The following TET1 variants were observed in gnomAD, a reference collection of about 807,000 sequenced individuals.
TET1 encodes the protein tet methylcytosine dioxygenase 1, also known as methylcytosine dioxygenase TET1.
In TET1, 13 loss-of-function variants were observed where a neutral mutation model predicts 148.7. The observed-to-expected ratio is 0.09, with a 90% CI of 0.06 to 0.14. The LOEUF (loss-of-function observed/expected upper bound fraction) is 0.14. Ranked by LOEUF, TET1 falls within the 10% of genes least tolerant of loss-of-function variation. TET1 has a pLI of 1.00. For missense variants in TET1, 2,182 were observed against 2,553.8 expected, an observed-to-expected ratio of 0.85 and a Z score of 3.14; for synonymous variants, 907 against 937.2, an observed-to-expected ratio of 0.97 and a Z score of 0.59.
At chr10:68,608,609 A>T (rs1395062120) in intron 3 of TET1, among the ~76,000 whole-genome samples, 1 of 152,042 alleles carries the variant, frequency 6.6e-6, no homozygotes, top group Non-Finnish European at 1.5e-5. Flanking sequence ...ATCTTGGCTC[A>T]CTGCAACCTC....
chr10:68,686,311 C>G (rs1329759234), intron 10 of TET1, 45 bp from the exon 11 acceptor site: 4 of 1,489,450 alleles, frequency 2.7e-6, no homozygotes, highest in Non-Finnish European at 2.7e-6. Context: ...AATGAATGTG[C>G]ACGACCCGTA....
intron 8 of TET1, among the ~76,000 whole-genome samples, chr10:68,677,783 G>A (rs978943399): frequency 3.9e-5 from 6 of 152,030 alleles, no homozygotes; most frequent in Non-Finnish European, 7.4e-5. Context: ...ACCACGCCCA[G>A]CTAATTTTGT....
At chr10:68,636,980 GT>G (rs111899968) in intron 3 of TET1, among the ~76,000 whole-genome samples, 114 of 2,298 alleles carry the variant, frequency 0.05, no homozygotes, top group East Asian at 0.069. Context: ...TATTTTACTC[GT>G]TGTGTGTGTG....
chr10:68,645,878 A>T lies in TET1; in HGVS notation c.3149A>T (p.Gln1050Leu). Residue 1050 changes from glutamine to leucine, a missense_variant, in exon 4 of 12, where the codon CAG becomes CTG. By Grantham distance (113) the Gln-to-Leu change is moderately radical (BLOSUM62 -2). This residue lies in a region of TET1 where 582 missense variants were observed against 599.5 expected (regional missense o/e 0.97). Coordinates refer to ENST00000373644, the MANE Select transcript of TET1 (RefSeq NM_030625.3). ...AATAATGAAGTGGAGTATTGCAACC[A>T]GTTACTGGACAGCAGCAAAAAATTG... ...PRNNEVEYCNQLLDSSKKLDS... is the reference protein window; with the variant it reads ...PRNNEVEYCNLLLDSSKKLDS... The T allele has an allele frequency of 1.2e-6, 2 of 1,614,150 alleles. No homozygotes were observed. Among genetic ancestry groups the T allele is most frequent in the Non-Finnish European group, 1.7e-6 (2 of 1,180,036 alleles).
intron 8 of TET1, chr10:68,674,691 A>G: frequency 1.3e-5 from 6 of 466,030 alleles, no homozygotes; most frequent in Non-Finnish European, 2.5e-5. Flanking sequence ...GGTCATGTCA[A>G]TATCAAGACT....
In TET1 at chr10:68,683,958, T is replaced by C. The variant is rs185828137; in HGVS notation, c.5052+985T>C. On this transcript the variant is annotated intron_variant, in intron 10 of 11. Transcript: ENST00000373644. ...GAAGACCCAGTGGAAAATCTTGAAA[T>C]AGTATTTTTGTCTGTTTGCTTCACC... Among the ~76,000 whole-genome samples the C allele has an allele frequency of 1.1e-3, 174 of 152,306 alleles. 1 individual carries two copies. Among genetic ancestry groups the C allele is most frequent in the South Asian group, 0.011 (55 of 4,828 alleles).
intron 3 of TET1, among the ~76,000 whole-genome samples, chr10:68,613,981 C>T (rs188892190): frequency 1.3e-5 from 2 of 151,800 alleles, no homozygotes; most frequent in African/African-American, 4.8e-5. Context: ...TTTTGGTGAA[C>T]CTTATTTGAA....
At chr10:68,639,650 C>A (rs999724647) in intron 3 of TET1, among the ~76,000 whole-genome samples, 1 of 151,852 alleles carries the variant, frequency 6.6e-6, no homozygotes, top group Non-Finnish European at 1.5e-5. Context: ...TAGTAGAGAC[C>A]GAGTTTCACT....
At chr10:68,616,564 G>T (rs896242029) in intron 3 of TET1, among the ~76,000 whole-genome samples, 3 of 151,858 alleles carry the variant, frequency 2.0e-5, no homozygotes, top group Non-Finnish European at 2.9e-5. Context: ...ATGAGACATG[G>T]TCTCACTCTC....
At chr10:68,676,252 ATATATATATATATATATTTTT>A (rs1427372682) in intron 8 of TET1, among the ~76,000 whole-genome samples, 28 of 34,856 alleles carry the variant, frequency 8.0e-4, no homozygotes, top group Admixed American at 4.6e-3. Flanking sequence ...ATATATATAT[ATATATATATATATATATTTTT>A]TTTTTTTTTT....
intron 7 of TET1, among the ~76,000 whole-genome samples, chr10:68,671,195 TTCCCACCC>T (rs1201706858): frequency 2.0e-5 from 3 of 152,178 alleles, no homozygotes; most frequent in Non-Finnish European, 4.4e-5. Flanking sequence ...CCTCTCTGTC[TTCCCACCC>T]TCCATCCTCA....
In TET1 at chr10:68,646,548, C is replaced by G. The variant is rs755989600; in HGVS notation, c.3819C>G (p.Asn1273Lys). 6.2e-7 allele frequency: 1 copy of G among 1,614,042 alleles called. No individual in the cohort carries two copies. The highest frequency in any genetic ancestry group is 8.5e-7 in the Non-Finnish European group (1 of 1,180,032). ...TATTTCATCTTAAAACGGAATCCAA[C>G]GGGAAGGCATTCACTGATAAAGCTT... Reference protein sequence around the residue: ...LSLFHLKTESNGKAFTDKAYN... With the variant: ...LSLFHLKTESKGKAFTDKAYN... Residue 1273 changes from asparagine to lysine, a missense_variant, in exon 4 of 12, where the codon AAC (asparagine) becomes AAG (lysine). Physicochemically the swap from Asn to Lys is moderately conservative, Grantham distance 94. Transcript: ENST00000373644.
At chr10:68,672,535 A>G (rs2055290389) in intron 7 of TET1, among the ~76,000 whole-genome samples, 1 of 150,094 alleles carries the variant, frequency 6.7e-6, no homozygotes, top group South Asian at 2.1e-4. Context: ...AAAAAGAAAA[A>G]CCCAGGTTCT....
chr10:68,596,021 C>T (rs377292613), intron 2 of TET1, among the ~76,000 whole-genome samples: 3,008 of 102,138 alleles, frequency 0.029, 188 homozygotes, highest in African/African-American at 0.12. Flanking sequence ...CACACACACA[C>T]ACACACATAT....
At chr10:68,611,655 TTTTCTTTTCTTTTCTTTTC>T (rs1258695192) in intron 3 of TET1, among the ~76,000 whole-genome samples, 14 of 69,794 alleles carry the variant, frequency 2.0e-4, no homozygotes, top group South Asian at 5.2e-4. Flanking sequence ...CCTTTCTTTC[TTTTCTTTTCTTTTCTTTTC>T]TTTCTTTTCT....
At chr10:68,574,941 T>G (rs574366215) in intron 2 of TET1, among the ~76,000 whole-genome samples, 6 of 152,312 alleles carry the variant, frequency 3.9e-5, no homozygotes, top group African/African-American at 1.4e-4. Flanking sequence ...ATTTAAAAAC[T>G]TTTAGGGAGC....
chr10:68,646,409 G>C lies in TET1; in HGVS notation c.3680G>C (p.Arg1227Thr). 1 of 1,614,050 alleles carries C rather than the reference G, an allele frequency of 6.2e-7. No individual in the cohort carries two copies. The highest frequency in any genetic ancestry group is 8.5e-7 in the Non-Finnish European group (1 of 1,180,020). ...ATATGGAAACCACTGGCTCAAACGA[G>C]GTCCATTATGCAACCCAAAACAGTA... ...TKIWKPLAQT[R>T]SIMQPKTVFP... is the part of the protein sequence containing the mutation. Residue 1227 changes from arginine to threonine, a missense_variant, in exon 4 of 12, where the codon AGG becomes ACG. Around this residue, in one of 11 missense-constraint regions of TET1, gnomAD observed 582 missense variants for 599.5 expected, o/e 0.97. Transcript: ENST00000373644.
At chr10:68,641,273 G>A (rs981746328) in intron 3 of TET1, among the ~76,000 whole-genome samples, 6 of 151,898 alleles carry the variant, frequency 4.0e-5, no homozygotes, top group African/African-American at 1.5e-4. Context: ...CACGATCTCG[G>A]CTCACTGCAA....
At chr10:68,677,763 G>A (rs1234081119) in intron 8 of TET1, among the ~76,000 whole-genome samples, 2 of 152,078 alleles carry the variant, frequency 1.3e-5, no homozygotes, top group South Asian at 4.1e-4. Context: ...TGGGATTACA[G>A]GCATGCGCCA....
Sources: allele counts gnomAD v4.1 joint callset (sites outside exome capture counted in the v4.1 genomes callset), GRCh38; gene constraint gnomAD v4.1.1; regional missense constraint gnomAD v4.1.1; transcripts MANE v1.5; gene names NCBI Gene and HGNC (gene_info 2026-07-23, HGNC 2026-07-21).